The following PTPRM variants were observed in gnomAD, a reference collection of about 807,000 sequenced individuals.
The protein encoded by PTPRM is protein tyrosine phosphatase receptor type M.
PTPRM carries 47 observed loss-of-function variants against 186.7 expected under a neutral mutation model. That is an observed-to-expected ratio of 0.25 (90% confidence interval 0.20 to 0.32). The LOEUF is 0.32. Among genes scored for constraint, PTPRM ranks in the 10% least tolerant of loss-of-function variants. The probability of loss-of-function intolerance (pLI) is 1.00; values close to 1 mark genes in which losing one functional copy is unlikely to be tolerated. For synonymous variants in PTPRM, 668 were observed against 674.9 expected, an observed-to-expected ratio of 0.99 and a Z score of 0.16; for missense variants, 1,494 against 1,865.0, an observed-to-expected ratio of 0.80 and a Z score of 3.66.
At chr18:7,737,499 C>T (rs1315381718) in intron 1 of PTPRM, among the ~76,000 whole-genome samples, 3 of 152,208 alleles carry the variant, frequency 2.0e-5, no homozygotes, top group Non-Finnish European at 4.4e-5. Context: ...TCCTCTGCTC[C>T]ATGTAATAAG....
intron 1 of PTPRM, among the ~76,000 whole-genome samples, chr18:7,630,673 A>G (rs1047823774): frequency 6.6e-6 from 1 of 152,194 alleles, no homozygotes; most frequent in Non-Finnish European, 1.5e-5. Context: ...TTAAAGTTTC[A>G]TCTTTGTTAT....
At chr18:8,185,430 G>A (rs1278446990) in intron 14 of PTPRM, among the ~76,000 whole-genome samples, 2 of 152,238 alleles carry the variant, frequency 1.3e-5, no homozygotes, top group Non-Finnish European at 2.9e-5. Flanking sequence ...GGGGTCCTGT[G>A]ACTAGTAGGA....
At chr18:7,704,544 CTATT>C (rs2040035354) in intron 1 of PTPRM, among the ~76,000 whole-genome samples, 1 of 152,040 alleles carries the variant, frequency 6.6e-6, no homozygotes, top group Non-Finnish European at 1.5e-5. Context: ...TTTATTGTGT[CTATT>C]TGATTCTTCT....
chr18:7,849,716 T>G (rs1400266690), intron 2 of PTPRM, among the ~76,000 whole-genome samples: 2 of 152,184 alleles, frequency 1.3e-5, no homozygotes, highest in African/African-American at 4.8e-5. Context: ...CTTAAAAGAA[T>G]GGACCAGTTG....
chr18:8,300,857 G>A (rs1057007708), intron 20 of PTPRM, among the ~76,000 whole-genome samples: 3 of 152,146 alleles, frequency 2.0e-5, no homozygotes, highest in Non-Finnish European at 4.4e-5. Flanking sequence ...GCGTCCTGAA[G>A]CCCTTCCCTG....
intron 13 of PTPRM, among the ~76,000 whole-genome samples, chr18:8,123,626 A>G (rs1737333161): frequency 6.6e-6 from 1 of 152,176 alleles, no homozygotes; most frequent in Non-Finnish European, 1.5e-5. Flanking sequence ...TACTTGTTAC[A>G]GACTCTTCCT....
intron 7 of PTPRM, among the ~76,000 whole-genome samples, chr18:8,012,957 G>A (rs998040686): frequency 3.9e-5 from 6 of 152,072 alleles, no homozygotes; most frequent in Admixed American, 1.3e-4. Flanking sequence ...CTCTTGCACT[G>A]GGGAGGGTGG....
chr18:8,229,929 T>A (rs1017574327), intron 14 of PTPRM, among the ~76,000 whole-genome samples: 1 of 152,222 alleles, frequency 6.6e-6, no homozygotes, highest in South Asian at 2.1e-4. Flanking sequence ...GCAAGTTCAT[T>A]TGCAGACACC....
At chr18:7,982,975 C>T (rs1344073701) in intron 7 of PTPRM, among the ~76,000 whole-genome samples, 1 of 152,160 alleles carries the variant, frequency 6.6e-6, no homozygotes, top group Non-Finnish European at 1.5e-5. Flanking sequence ...CTATTTGGCA[C>T]TATCTGCATT....
At chr18:7,708,435 T>C (rs925095738) in intron 1 of PTPRM, among the ~76,000 whole-genome samples, 3 of 152,216 alleles carry the variant, frequency 2.0e-5, no homozygotes, top group East Asian at 1.9e-4. Flanking sequence ...ATAACATCCT[T>C]TGTTAAAAAG....
chr18:8,188,093 G>T (rs1340706752), intron 14 of PTPRM, among the ~76,000 whole-genome samples: 1 of 152,138 alleles, frequency 6.6e-6, no homozygotes, highest in Non-Finnish European at 1.5e-5. Context: ...CACAAATGAG[G>T]TAAACATACA....
At chr18:7,838,740 C>T (rs533137224) in intron 2 of PTPRM, among the ~76,000 whole-genome samples, 1 of 152,350 alleles carries the variant, frequency 6.6e-6, no homozygotes, top group East Asian at 1.9e-4. Context: ...AGGCCTGCCT[C>T]CTTCCCTGCA....
At chr18:7,657,396 G>A (rs1319835713) in intron 1 of PTPRM, among the ~76,000 whole-genome samples, 1 of 152,214 alleles carries the variant, frequency 6.6e-6, no homozygotes, top group African/African-American at 2.4e-5. Context: ...GATAGATTGA[G>A]GGAGACAAGC....
chr18:8,078,607 A>G (rs926900908), intron 9 of PTPRM, among the ~76,000 whole-genome samples: 3 of 152,200 alleles, frequency 2.0e-5, no homozygotes, highest in African/African-American at 7.2e-5. Flanking sequence ...CAGATGGAAT[A>G]TTGTTGATGT....
At chr18:7,823,629 A>G (rs1466039056) in intron 2 of PTPRM, among the ~76,000 whole-genome samples, 2 of 152,168 alleles carry the variant, frequency 1.3e-5, no homozygotes, top group African/African-American at 4.8e-5. Flanking sequence ...GAAGGAGCAG[A>G]CTTGCTGAGT....
intron 2 of PTPRM, among the ~76,000 whole-genome samples, chr18:7,867,747 C>G (rs2047784786): frequency 6.6e-6 from 1 of 152,174 alleles, no homozygotes; most frequent in Non-Finnish European, 1.5e-5. Context: ...GTTGGCCTGT[C>G]TTTCTAGGTT....
intron 2 of PTPRM, among the ~76,000 whole-genome samples, chr18:7,797,630 A>G (rs2043731355): frequency 6.6e-6 from 1 of 152,184 alleles, no homozygotes; most frequent in Admixed American, 6.5e-5. Flanking sequence ...GAAAATACTC[A>G]ATTGAGCATA....
intron 7 of PTPRM, among the ~76,000 whole-genome samples, chr18:8,040,012 G>T (rs1156626977): frequency 1.3e-5 from 2 of 152,188 alleles, no homozygotes; most frequent in Non-Finnish European, 2.9e-5. Context: ...ACAAGTTACG[G>T]TTAGACATTT....
chr18:7,761,858 A>G lies in PTPRM; in HGVS notation c.74-12291A>G, dbSNP rs756062465. ...TGCCATGAGTCAGATAAAAAAGGCA[A>G]AACTCTAGAATCAGGAGTTTCTTCT... On this transcript the variant is annotated intron_variant, in intron 1 of 32. Coordinates refer to ENST00000580170, the MANE Select transcript of PTPRM (RefSeq NM_001105244.2). 2.0e-5 allele frequency among the ~76,000 whole-genome samples: 3 copies of G among 152,172 alleles called. No individual in the cohort carries two copies. The East Asian group carries it at 5.8e-4, about 29-fold the overall frequency.
Sources: allele counts gnomAD v4.1 joint callset (sites outside exome capture counted in the v4.1 genomes callset), GRCh38; gene constraint gnomAD v4.1.1; transcripts MANE v1.5; gene names NCBI Gene and HGNC (gene_info 2026-07-23, HGNC 2026-07-21).